The following HTR2C variants were observed in gnomAD, a reference collection of about 807,000 sequenced individuals.
The protein encoded by HTR2C is 5-hydroxytryptamine receptor 2C.
A neutral mutation model predicts 21.0 loss-of-function variants in HTR2C; 5 were observed. That is an observed-to-expected ratio of 0.24 (90% CI 0.12 to 0.50). The LOEUF is 0.50. HTR2C is among the 20% of genes least tolerant of loss of function. The pLI is 0.98. For missense variants in HTR2C, 271 were observed against 371.2 expected (o/e 0.73, Z 2.22); for synonymous variants, 150 against 145.3 (o/e 1.03, Z -0.23).
At chrX:114,716,090 A>T (rs886253559) in intron 2 of HTR2C, among the ~76,000 whole-genome samples, 2 of 112,775 alleles carry the variant, frequency 1.8e-5, no homozygotes, top group Non-Finnish European at 3.7e-5. Context: ...GAAAACCTTC[A>T]GTTTGTTGTG....
intron 4 of HTR2C, among the ~76,000 whole-genome samples, chrX:114,825,786 A>G (rs2147463706): frequency 9.0e-6 from 1 of 111,441 alleles, no homozygotes; most frequent in African/African-American, 3.3e-5. Flanking sequence ...GTGCTTCATG[A>G]ATTTTGAAGC....
In HTR2C at chrX:114,844,358, A is replaced by G. The variant is rs782713127; in HGVS notation, c.350-3645A>G. Among the ~76,000 whole-genome samples the G allele has an allele frequency of 1.8e-4, 20 of 111,695 alleles. No individual in the cohort carries two copies. In the Admixed American group the frequency reaches 1.8e-3, roughly 10 times the overall value. On this transcript the variant is annotated intron_variant, in intron 4 of 5. Coordinates refer to ENST00000276198, the MANE Select transcript of HTR2C (RefSeq NM_000868.4). Reference sequence around the variant, plus strand: ...GTAATCCCCAGGTTAACCAAAGTAAACAATTAAAATAATACAAAGAGAAAG... The same window carrying G: ...GTAATCCCCAGGTTAACCAAAGTAAGCAATTAAAATAATACAAAGAGAAAG...
At chrX:114,631,848 A>T (rs1929639854) in intron 2 of HTR2C, among the ~76,000 whole-genome samples, 2 of 111,283 alleles carry the variant, frequency 1.8e-5, no homozygotes, top group South Asian at 3.8e-4. Context: ...AGTCCCCACT[A>T]ATCTCTCTCT....
intron 4 of HTR2C, among the ~76,000 whole-genome samples, chrX:114,753,519 G>A (rs2069782120): frequency 9.0e-6 from 1 of 111,616 alleles, no homozygotes; most frequent in African/African-American, 3.3e-5. Flanking sequence ...TGCACATGAT[G>A]TAATTGTTTT....
chrX:114,795,093 AT>A (rs2070276677), intron 4 of HTR2C, among the ~76,000 whole-genome samples: 1 of 110,278 alleles, frequency 9.1e-6, no homozygotes, highest in Non-Finnish European at 1.9e-5. Context: ...ATGGTATCTC[AT>A]TGTGGTTTTG....
chrX:114,725,880 C>G lies in HTR2C; in HGVS notation c.-79-978C>G, dbSNP rs781910871. On this transcript the variant is annotated intron_variant, in intron 2 of 5. Transcript: ENST00000276198. ...GGAGGCAGTCTGCCCGTTCTCAGATCTCCAGCTGCATGCTGGGAGAACCAC... is the reference window on the plus strand; with the variant it reads ...GGAGGCAGTCTGCCCGTTCTCAGATGTCCAGCTGCATGCTGGGAGAACCAC... 3.7e-4 allele frequency among the ~76,000 whole-genome samples: 40 copies of G among 109,276 alleles called. No homozygotes were observed. In the East Asian group the frequency reaches 0.012, roughly 31 times the overall value. 94.9% of individuals were successfully genotyped at this position (109,276 alleles called of 115,157 possible).
At chrX:114,625,134 C>T (rs782050392) in intron 2 of HTR2C, among the ~76,000 whole-genome samples, 10 of 111,773 alleles carry the variant, frequency 8.9e-5, no homozygotes, top group African/African-American at 1.9e-4. Flanking sequence ...CCTCCCTCCC[C>T]GCACCTTCTC....
At chrX:114,883,679 TATTA>T (rs1204718805) in intron 5 of HTR2C, among the ~76,000 whole-genome samples, 1 of 110,555 alleles carries the variant, frequency 9.0e-6, no homozygotes, top group Non-Finnish European at 1.9e-5. Flanking sequence ...TAAGTATATA[TATTA>T]ATTATGTACA....
chrX:114,799,962 A>T (rs2070330555), intron 4 of HTR2C, among the ~76,000 whole-genome samples: 1 of 111,327 alleles, frequency 9.0e-6, no homozygotes, highest in Admixed American at 9.6e-5. Flanking sequence ...TATTAATTTA[A>T]CTGATATTCA....
intron 2 of HTR2C, among the ~76,000 whole-genome samples, chrX:114,676,128 C>T (rs1210871227): frequency 9.0e-6 from 1 of 111,263 alleles, no homozygotes; most frequent in Non-Finnish European, 1.9e-5. Context: ...CCTTGGCCTC[C>T]CAAAGTGCTG....
chrX:114,615,378 A>T (rs2147806828), intron 2 of HTR2C, among the ~76,000 whole-genome samples: 1 of 111,695 alleles, frequency 9.0e-6, no homozygotes, highest in Admixed American at 9.6e-5. Context: ...AATAAAAAAA[A>T]ATTTCATAAG....
chrX:114,694,344 C>T (rs191345910), intron 2 of HTR2C, among the ~76,000 whole-genome samples: 179 of 108,121 alleles, frequency 1.7e-3, no homozygotes, highest in African/African-American at 6.1e-3. Context: ...ATTAATATTT[C>T]GAACACCCAA....
intron 4 of HTR2C, among the ~76,000 whole-genome samples, chrX:114,792,129 A>G (rs1221967733): frequency 1.8e-5 from 2 of 111,627 alleles, no homozygotes; most frequent in Non-Finnish European, 3.8e-5. Flanking sequence ...TTTTTATTTT[A>G]CTTTAAGTTC....
At chrX:114,874,249 A>T (rs921094514) in intron 5 of HTR2C, among the ~76,000 whole-genome samples, 1 of 110,943 alleles carries the variant, frequency 9.0e-6, no homozygotes, top group Non-Finnish European at 1.9e-5. Context: ...TAAACATGGG[A>T]GTGCAAATAT....
intron 4 of HTR2C, among the ~76,000 whole-genome samples, chrX:114,826,202 C>G (rs1325142621): frequency 9.1e-6 from 1 of 109,654 alleles, no homozygotes; most frequent in African/African-American, 3.3e-5. Flanking sequence ...TCCTGAGTAG[C>G]TGGGACCACA....
intron 5 of HTR2C, among the ~76,000 whole-genome samples, chrX:114,869,424 C>T (rs73573326): frequency 0.025 from 2,834 of 111,688 alleles, 89 homozygotes; most frequent in African/African-American, 0.087. Context: ...CTATGTGTGG[C>T]TATTTTAAAT....
chrX:114,733,426 A>T (rs1213851910), intron 4 of HTR2C, among the ~76,000 whole-genome samples: 1 of 109,196 alleles, frequency 9.2e-6, no homozygotes, highest in African/African-American at 3.3e-5. Flanking sequence ...TAAAAAAAAA[A>T]CCACCACAAG....
chrX:114,664,991 A>G (rs1931123767), intron 2 of HTR2C, among the ~76,000 whole-genome samples: 1 of 112,556 alleles, frequency 8.9e-6, no homozygotes, highest in Admixed American at 9.4e-5. Flanking sequence ...AGACAGAATT[A>G]TAACTAATTT....
chrX:114,638,966 T>A (rs1407651723), intron 2 of HTR2C, among the ~76,000 whole-genome samples: 1 of 110,895 alleles, frequency 9.0e-6, no homozygotes, highest in East Asian at 2.9e-4. Flanking sequence ...TTATTGTGAA[T>A]AATGCCGCAA....
Sources: allele counts gnomAD v4.1 joint callset (sites outside exome capture counted in the v4.1 genomes callset), GRCh38; gene constraint gnomAD v4.1.1; transcripts MANE v1.5; gene names NCBI Gene and HGNC (gene_info 2026-07-23, HGNC 2026-07-21).